ATRNL1: variants seen among roughly 807,000 people sequenced by gnomAD.
ATRNL1 encodes the protein attractin like 1.
A neutral mutation model predicts 182.7 loss-of-function variants in ATRNL1; 95 were observed. The ratio of observed to expected loss-of-function variants is 0.52; its 90% confidence interval spans 0.44 to 0.62. ATRNL1 has a LOEUF of 0.62. Among genes scored for constraint, ATRNL1 ranks in the 20% least tolerant of loss-of-function variants. The probability of loss-of-function intolerance (pLI) is 0.00; values close to 1 mark genes in which losing one functional copy is unlikely to be tolerated. For missense variants in ATRNL1, 1,471 were observed against 1,679.5 expected (o/e 0.88, Z 2.17); for synonymous variants, 576 against 568.3 (o/e 1.01, Z -0.19).
At chr10:115,768,794 T>C (rs1241108884) in intron 27 of ATRNL1, among the ~76,000 whole-genome samples, 1 of 152,136 alleles carries the variant, frequency 6.6e-6, no homozygotes, top group Non-Finnish European at 1.5e-5. Flanking sequence ...AATATAATAC[T>C]ATTCTATTAA....
intron 24 of ATRNL1, among the ~76,000 whole-genome samples, chr10:115,516,862 C>T (rs905731150): frequency 2.0e-5 from 3 of 151,832 alleles, no homozygotes; most frequent in Non-Finnish European, 2.9e-5. Context: ...CTCTAACCAC[C>T]GGATCCAAAT....
chr10:115,730,281 A>AAG lies in ATRNL1; in HGVS notation c.3903+2940_3903+2941dup, dbSNP rs1565326916. On this transcript the variant is annotated intron_variant, in intron 27 of 28. Coordinates refer to ENST00000355044, the MANE Select transcript of ATRNL1 (RefSeq NM_207303.4). ...AAAAAAAAAAAAAAAAAAAAAAAAA[A>AAG]AGAGAGAGAGAGAGAAACTTTGTAT... Among the ~76,000 whole-genome samples the AAG allele has an allele frequency of 3.7e-3, 504 of 135,294 alleles. 7 individuals are homozygous for AAG. Among genetic ancestry groups the AAG allele is most frequent in the African/African-American group, 0.013 (449 of 34,048 alleles). The allele number at this position is 135,294 out of a possible 152,430, so 88.8% of individuals were successfully genotyped here. A position where few individuals can be genotyped will look rare whatever the true frequency, so the allele number is the denominator to read the frequency against.
intron 24 of ATRNL1, among the ~76,000 whole-genome samples, chr10:115,484,018 C>A (rs941678942): frequency 6.6e-6 from 1 of 151,416 alleles, no homozygotes; most frequent in Admixed American, 6.6e-5. Context: ...GTTGAATAAA[C>A]CTACACTAGG....
intron 19 of ATRNL1, among the ~76,000 whole-genome samples, chr10:115,393,852 G>A (rs1844156282): frequency 6.6e-6 from 1 of 152,086 alleles, no homozygotes; most frequent in Non-Finnish European, 1.5e-5. Context: ...TAATTGAACA[G>A]TGCTCTTTAA....
intron 1 of ATRNL1, among the ~76,000 whole-genome samples, chr10:115,109,294 A>G (rs1488444970): frequency 2.6e-5 from 4 of 152,188 alleles, no homozygotes; most frequent in Non-Finnish European, 5.9e-5. Flanking sequence ...TTGTGCTGCT[A>G]TAACAGAATA....
chr10:115,345,331 G>A (rs1554939409), intron 19 of ATRNL1, among the ~76,000 whole-genome samples: 1 of 152,224 alleles, frequency 6.6e-6, no homozygotes, highest in African/African-American at 2.4e-5. Context: ...TGTGCCTTCT[G>A]TAGGCGGGTG....
chr10:115,634,892 A>G (rs1465758389), intron 26 of ATRNL1, among the ~76,000 whole-genome samples: 1 of 152,154 alleles, frequency 6.6e-6, no homozygotes, highest in Non-Finnish European at 1.5e-5. Context: ...AAGCTGTGTT[A>G]TAAAAATTGC....
chr10:115,130,303 C>T (rs1029137513), intron 5 of ATRNL1, among the ~76,000 whole-genome samples: 2 of 151,900 alleles, frequency 1.3e-5, no homozygotes, highest in Admixed American at 6.6e-5. Context: ...AATTACATAA[C>T]CTGAAGTACT....
chr10:115,492,436 A>G (rs1194837723), intron 24 of ATRNL1, among the ~76,000 whole-genome samples: 2 of 151,772 alleles, frequency 1.3e-5, no homozygotes, highest in African/African-American at 4.8e-5. Flanking sequence ...TTCTTGCATC[A>G]TTAATGCTTA....
At chr10:115,805,667 A>G (rs1949904891) in intron 27 of ATRNL1, among the ~76,000 whole-genome samples, 2 of 152,168 alleles carry the variant, frequency 1.3e-5, no homozygotes, top group Admixed American at 1.3e-4. Flanking sequence ...CAGCTGTAGA[A>G]GAAACCAGGG....
At chr10:115,250,244 A>G (rs184003752) in intron 10 of ATRNL1, among the ~76,000 whole-genome samples, 1 of 152,154 alleles carries the variant, frequency 6.6e-6, no homozygotes, top group Non-Finnish European at 1.5e-5. Flanking sequence ...CAAACTCTCA[A>G]CACATAGTCA....
At chr10:115,632,675 G>A (rs570906609) in intron 26 of ATRNL1, among the ~76,000 whole-genome samples, 12 of 152,060 alleles carry the variant, frequency 7.9e-5, no homozygotes, top group African/African-American at 2.9e-4. Context: ...AAATGCATTC[G>A]GTGAATGAAT....
intron 28 of ATRNL1, among the ~76,000 whole-genome samples, chr10:115,919,479 A>G (rs1291480144): frequency 1.3e-5 from 2 of 152,134 alleles, no homozygotes; most frequent in Non-Finnish European, 1.5e-5. Context: ...TCTATTTCCT[A>G]CTAAGTCTAT....
intron 26 of ATRNL1, among the ~76,000 whole-genome samples, chr10:115,599,203 C>T (rs1856452268): frequency 6.6e-6 from 1 of 152,148 alleles, no homozygotes; most frequent in Non-Finnish European, 1.5e-5. Flanking sequence ...TTTTGCTTTA[C>T]CCTCCTATTT....
At chr10:115,891,763 A>C (rs1952084768) in intron 28 of ATRNL1, among the ~76,000 whole-genome samples, 1 of 152,150 alleles carries the variant, frequency 6.6e-6, no homozygotes, top group African/African-American at 2.4e-5. Flanking sequence ...TTTACCGGTT[A>C]GATTATCTGG....
intron 28 of ATRNL1, among the ~76,000 whole-genome samples, chr10:115,939,490 C>T (rs1299506180): frequency 3.9e-5 from 6 of 152,190 alleles, no homozygotes; most frequent in African/African-American, 1.4e-4. Flanking sequence ...ACTATTGAAA[C>T]CCCAGCATTT....
intron 19 of ATRNL1, among the ~76,000 whole-genome samples, chr10:115,380,286 A>T (rs782166910): frequency 5.3e-5 from 8 of 152,234 alleles, no homozygotes; most frequent in Non-Finnish European, 1.0e-4. Context: ...ATAAGCAATT[A>T]GCAAGAAACT....
intron 26 of ATRNL1, among the ~76,000 whole-genome samples, chr10:115,651,298 C>T (rs782364768): frequency 4.6e-5 from 7 of 152,182 alleles, no homozygotes; most frequent in South Asian, 4.1e-4. Flanking sequence ...TCATTCGTAC[C>T]CTAAACTTCA....
At chr10:115,725,610 A>G (rs10787597) in intron 26 of ATRNL1, among the ~76,000 whole-genome samples, 56,253 of 151,948 alleles carry the variant, frequency 0.37, 11,261 homozygotes, top group East Asian at 0.59. Context: ...GGAATTTACA[A>G]TTTTCTCAAG....
Sources: allele counts gnomAD v4.1 joint callset (sites outside exome capture counted in the v4.1 genomes callset), GRCh38; gene constraint gnomAD v4.1.1; transcripts MANE v1.5; gene names NCBI Gene and HGNC (gene_info 2026-07-23, HGNC 2026-07-21).